Variants in OR51B5 observed in about 807,000 individuals in gnomAD.
OR51B5 encodes the protein olfactory receptor 51B5.
For missense variants in OR51B5, 456 were observed against 374.6 expected (o/e 1.22, Z -1.79); for synonymous variants, 186 against 144.8 (o/e 1.28, Z -2.04).
chr11:5,440,510 T>A (rs1261968660), intron 1 of OR51B5: 1 of 1,193,884 alleles, frequency 8.4e-7, no homozygotes, highest in African/African-American at 1.5e-5. Context: ...TAGCATTCCT[T>A]AAGTTGTTAA....
At chr11:5,369,861 T>C (rs1274994450) in intron 1 of OR51B5, among the ~76,000 whole-genome samples, 1 of 152,142 alleles carries the variant, frequency 6.6e-6, no homozygotes, top group Non-Finnish European at 1.5e-5. Context: ...AAATCCAAAA[T>C]AAGTCAACAG....
intron 1 of OR51B5, among the ~76,000 whole-genome samples, chr11:5,424,065 A>T (rs948535429): frequency 6.6e-6 from 1 of 152,230 alleles, no homozygotes; most frequent in East Asian, 1.9e-4. Flanking sequence ...GAAACAAGAT[A>T]AACTTTCCCA....
chr11:5,480,389 C>G (rs1404858392), intron 1 of OR51B5, among the ~76,000 whole-genome samples: 3 of 151,796 alleles, frequency 2.0e-5, no homozygotes, highest in Non-Finnish European at 4.4e-5. Flanking sequence ...GCACTAAAGG[C>G]CCACAAGAGA....
intron 1 of OR51B5, chr11:5,390,575 A>G: frequency 3.7e-6 from 2 of 535,800 alleles, no homozygotes; most frequent in Non-Finnish European, 6.5e-6. Context: ...GGCTCCTCCT[A>G]CAGCTGAGAA....
chr11:5,389,053 G>T (rs1265720283), intron 1 of OR51B5, among the ~76,000 whole-genome samples: 3 of 152,130 alleles, frequency 2.0e-5, no homozygotes, highest in African/African-American at 7.2e-5. Context: ...TATATGGATG[G>T]TAAATGAAAT....
chr11:5,346,138 C>T (rs1159066413), upstream of OR51B5: 1 of 152,146 alleles, frequency 6.6e-6, no homozygotes, highest in African/African-American at 2.4e-5. Flanking sequence ...ATATGCAGCA[C>T]AAGTGATGAA....
chr11:5,444,481 T>C (rs1263585720), intron 1 of OR51B5, among the ~76,000 whole-genome samples: 2 of 152,180 alleles, frequency 1.3e-5, no homozygotes, highest in African/African-American at 4.8e-5. Context: ...AGGGGTCAGA[T>C]TTGGCTCACA....
chr11:5,370,070 C>T (rs1849426172), intron 1 of OR51B5, among the ~76,000 whole-genome samples: 1 of 152,052 alleles, frequency 6.6e-6, no homozygotes, highest in South Asian at 2.1e-4. Flanking sequence ...CTCCTGCCAT[C>T]TTATGGTTTG....
chr11:5,438,303 C>A (rs1850619763), intron 1 of OR51B5, among the ~76,000 whole-genome samples: 1 of 151,760 alleles, frequency 6.6e-6, no homozygotes, highest in South Asian at 2.1e-4. Flanking sequence ...AATTTCAACT[C>A]CTTCCTTATA....
intron 1 of OR51B5, chr11:5,391,440 C>G (rs1244701740): frequency 6.6e-6 from 1 of 152,142 alleles, no homozygotes; most frequent in African/African-American, 2.4e-5. Context: ...AAATCAAGAT[C>G]CCTGGAGGAA....
intron 1 of OR51B5, chr11:5,505,265 C>T: frequency 4.8e-6 from 6 of 1,257,722 alleles, no homozygotes; most frequent in Admixed American, 5.7e-5. Context: ...TTGTTTTTTT[C>T]CTCAGACCTA....
intron 1 of OR51B5, among the ~76,000 whole-genome samples, chr11:5,436,885 G>A (rs1850602493): frequency 1.6e-5 from 2 of 123,080 alleles, no homozygotes; most frequent in African/African-American, 5.1e-5. Context: ...GAGTTGGACT[G>A]AGAGGCAGAG....
intron 1 of OR51B5, chr11:5,390,302 A>C: frequency 6.2e-7 from 1 of 1,613,780 alleles, no homozygotes; most frequent in Non-Finnish European, 8.5e-7. Flanking sequence ...GCTTAACCCA[A>C]TCATATACAG....
At chr11:5,436,149 C>A (rs1240284279) in intron 1 of OR51B5, among the ~76,000 whole-genome samples, 1 of 152,148 alleles carries the variant, frequency 6.6e-6, no homozygotes, top group Admixed American at 6.6e-5. Context: ...ATTAAGGACA[C>A]TGAAGGAATG....
Position 5,424,844 on chromosome 11 carries a change from T to C in OR51B5, n.85-77934A>G, listed in dbSNP as rs1487099787. On this transcript the variant is annotated intron_variant and non_coding_transcript_variant, in intron 1 of 4. Coordinates refer to the OR51B5 transcript ENST00000415970. Reference sequence around the variant, plus strand: ...AAAAATAGAAAAAATTAGCCGGGCGTGGTGGCGGGCGCCTATAGTCCCAGC... The same window carrying C: ...AAAAATAGAAAAAATTAGCCGGGCGCGGTGGCGGGCGCCTATAGTCCCAGC... Among the ~76,000 whole-genome samples, 3 of 103,790 alleles carry C rather than the reference T, an allele frequency of 2.9e-5. 1 individual carries two copies. Among genetic ancestry groups the C allele is most frequent in the Non-Finnish European group, 4.5e-5 (2 of 44,638 alleles). The allele number at this position is 103,790 out of a possible 152,430, so 68.1% of individuals were successfully genotyped here.
intron 1 of OR51B5, among the ~76,000 whole-genome samples, chr11:5,418,562 G>A (rs1355297710): frequency 1.3e-5 from 2 of 152,082 alleles, no homozygotes; most frequent in East Asian, 3.9e-4. Flanking sequence ...AAAAGGATGA[G>A]TTCATGTCTC....
At chr11:5,482,582 G>C (rs903828881) in intron 1 of OR51B5, among the ~76,000 whole-genome samples, 4 of 121,284 alleles carry the variant, frequency 3.3e-5, no homozygotes, top group African/African-American at 1.3e-4. Context: ...CTACAAAATG[G>C]GAGAAAATTT....
intron 1 of OR51B5, among the ~76,000 whole-genome samples, chr11:5,405,949 A>G (rs16930526): frequency 0.01 from 1,546 of 152,314 alleles, 27 homozygotes; most frequent in African/African-American, 0.035. Flanking sequence ...AAGAAGAATC[A>G]TTTCATCAAT....
chr11:5,412,634 A>G (rs1850166769), intron 1 of OR51B5, among the ~76,000 whole-genome samples: 1 of 152,190 alleles, frequency 6.6e-6, no homozygotes. Context: ...CCACCAGGAG[A>G]TTATATCCTG....
Sources: allele counts gnomAD v4.1 joint callset (sites outside exome capture counted in the v4.1 genomes callset), GRCh38; gene constraint gnomAD v4.1.1; transcripts MANE v1.5; gene names NCBI Gene and HGNC (gene_info 2026-07-23, HGNC 2026-07-21).